The following SASH1 variants were observed in gnomAD, a reference collection of about 807,000 sequenced individuals.
The protein encoded by SASH1 is SAM and SH3 domain containing 1.
SASH1 carries 44 observed loss-of-function variants against 125.2 expected under a neutral mutation model. The observed-to-expected ratio is 0.35, with a 90% confidence interval of 0.28 to 0.45. SASH1 has a LOEUF of 0.45. Among genes scored for constraint, SASH1 ranks in the 20% least tolerant of loss-of-function variants. The pLI, the probability that SASH1 is intolerant of heterozygous loss-of-function variation, is 1.00. For synonymous variants in SASH1, 639 were observed against 649.1 expected, an observed-to-expected ratio of 0.98 and a Z score of 0.24; for missense variants, 1,426 against 1,614.5, an observed-to-expected ratio of 0.88 and a Z score of 2.00.
intron 1 of SASH1, among the ~76,000 whole-genome samples, chr6:148,347,997 T>A (rs1047687233): frequency 6.6e-6 from 1 of 152,072 alleles, no homozygotes; most frequent in Non-Finnish European, 1.5e-5. Context: ...ATAATTTTAT[T>A]TATTTATTTG....
chr6:148,199,660 G>A, the SASH1 span, among the ~76,000 whole-genome samples: 3 of 151,928 alleles, frequency 2.0e-5, no homozygotes, highest in Admixed American at 1.3e-4. Context: ...GCATACCACT[G>A]CACTCCAGCC....
chr6:148,220,692 A>T, the SASH1 span, among the ~76,000 whole-genome samples: 24 of 152,326 alleles, frequency 1.6e-4, no homozygotes, highest in East Asian at 4.6e-3. Context: ...AGGCAGGCAG[A>T]TTGCTTGAGG....
intron 1 of SASH1, among the ~76,000 whole-genome samples, chr6:148,306,363 C>T (rs1245930878): frequency 6.6e-6 from 1 of 152,196 alleles, no homozygotes; most frequent in African/African-American, 2.4e-5. Context: ...TTAACCAGCA[C>T]AAGTCTTCCA....
intron 4 of SASH1, among the ~76,000 whole-genome samples, chr6:148,444,148 C>A (rs904093360): frequency 3.9e-5 from 6 of 152,224 alleles, no homozygotes; most frequent in African/African-American, 1.4e-4. Flanking sequence ...CCTCGCAGAT[C>A]CAGTCTCCCA....
chr6:148,495,777 G>A lies in SASH1; in HGVS notation c.729+8062G>A, dbSNP rs1243049083. Among the ~76,000 whole-genome samples, 2 of 152,146 alleles carry A rather than the reference G, an allele frequency of 1.3e-5. No homozygotes were observed. The highest frequency in any genetic ancestry group is 1.9e-4 in the East Asian group (1 of 5,196). ...GTACTTCAGTCGGCGTTGTAGGTCC[G>A]GTGAAAGTATCCCCAAGAAAATGAT... On this transcript the variant is annotated intron_variant, in intron 8 of 19. Transcript: ENST00000367467. This position sits in a 1 kb window ranked among gnomAD's most constrained non-coding sequence, Gnocchi z 4.0.
chr6:148,327,063 C>T (rs1654141218), intron 1 of SASH1, among the ~76,000 whole-genome samples: 1 of 152,134 alleles, frequency 6.6e-6, no homozygotes, highest in Non-Finnish European at 1.5e-5. Context: ...ATGAACAATT[C>T]TTGCTCCTCA....
intron 4 of SASH1, among the ~76,000 whole-genome samples, chr6:148,443,303 G>A (rs114223782): frequency 2.7e-4 from 41 of 150,846 alleles, no homozygotes; most frequent in East Asian, 1.7e-3. Context: ...GTTTTTTTGC[G>A]CCACAGTGCA....
intron 2 of SASH1, among the ~76,000 whole-genome samples, chr6:148,438,912 A>G (rs4895755): frequency 0.44 from 66,465 of 151,798 alleles, 14,789 homozygotes; most frequent in South Asian, 0.68. Flanking sequence ...CCGATACTCT[A>G]TATTCGTGCT....
intron 7 of SASH1, chr6:148,479,045 CTTT>C (rs35055729): frequency 1.4e-4 from 15 of 105,140 alleles, no homozygotes; most frequent in Non-Finnish European, 1.6e-4. Context: ...GACTGCACTA[CTTT>C]TTTTTTTTTT....
At position 148,551,447 on chromosome 6, in the gene SASH1, G is replaced by A. The variant is rs1186229446; in HGVS notation, c.*2889G>A. The A allele has an allele frequency of 6.6e-6, 1 of 152,514 alleles. No individual in the cohort carries two copies. Among genetic ancestry groups the A allele is most frequent in the African/African-American group, 2.4e-5 (1 of 41,438 alleles). The allele number at this position is 152,514 out of a possible 1,614,324, so 9.4% of individuals were successfully genotyped here. On this transcript the variant is annotated 3_prime_UTR_variant, in exon 20 of 20. Coordinates refer to ENST00000367467, the MANE Select transcript of SASH1 (RefSeq NM_015278.5). ...CTGGAAGGAAATGCAGTCAGCTCCA[G>A]CTAGTACTATTTATGTACCCAGATA...
chr6:148,295,743 C>A (rs74343553), intron 1 of SASH1, among the ~76,000 whole-genome samples: 2,379 of 152,266 alleles, frequency 0.016, 60 homozygotes, highest in African/African-American at 0.054. Flanking sequence ...GGCTGAAGAA[C>A]GGTGCAGAAT....
Position 148,548,338 on chromosome 6 carries a change from C to T in SASH1, c.3524C>T (p.Ser1175Phe), listed in dbSNP as rs943792460. The part of the protein sequence containing the change: ...GLTEICRKPV[S>F]PGCISSVSDW... ...ACGGAAATCTGCCGAAAGCCCGTCTCTCCTGGGTGCATTTCGTCTGTGTCA... is the reference window on the plus strand; with the variant it reads ...ACGGAAATCTGCCGAAAGCCCGTCTTTCCTGGGTGCATTTCGTCTGTGTCA... Residue 1175 changes from serine to phenylalanine, a missense_variant, in exon 20 of 20, where the codon TCT becomes TTT. Around this residue, in one of 3 missense-constraint regions of SASH1, gnomAD observed 634 missense variants for 694.4 expected, o/e 0.91. Coordinates refer to ENST00000367467, the MANE Select transcript of SASH1 (RefSeq NM_015278.5). The T allele has an allele frequency of 6.2e-7, 1 of 1,614,094 alleles. No homozygotes were observed. The highest frequency in any genetic ancestry group is 1.3e-5 in the African/African-American group (1 of 74,944).
At chr6:148,305,610 C>T (rs528992756) in intron 1 of SASH1, among the ~76,000 whole-genome samples, 23 of 124,068 alleles carry the variant, frequency 1.9e-4, no homozygotes, top group African/African-American at 6.5e-4. Flanking sequence ...GGCGACAGAG[C>T]GAGACTCTGA....
At chr6:148,439,302 T>C (rs1274899162) in intron 2 of SASH1, among the ~76,000 whole-genome samples, 3 of 152,210 alleles carry the variant, frequency 2.0e-5, no homozygotes. Context: ...TATATTTCAT[T>C]TATCAACTCG....
At chr6:148,345,897 G>A (rs1252431395) in intron 1 of SASH1, among the ~76,000 whole-genome samples, 1 of 152,136 alleles carries the variant, frequency 6.6e-6, no homozygotes, top group Non-Finnish European at 1.5e-5. Context: ...CAGTAGAAAT[G>A]TAGTTCAGTA....
intron 1 of SASH1, among the ~76,000 whole-genome samples, chr6:148,320,988 G>T (rs1319846426): frequency 6.6e-6 from 1 of 152,184 alleles, no homozygotes; most frequent in Non-Finnish European, 1.5e-5. Flanking sequence ...ATGCCTCAAG[G>T]CTGCACTAAC....
intron 11 of SASH1, among the ~76,000 whole-genome samples, chr6:148,525,671 C>T (rs1583301780): frequency 6.6e-6 from 1 of 152,196 alleles, no homozygotes; most frequent in Admixed American, 6.5e-5. Flanking sequence ...AGTCATTTTG[C>T]ACACGGCCTT....
At chr6:148,227,506 C>T in the SASH1 span, among the ~76,000 whole-genome samples, 2 of 152,120 alleles carry the variant, frequency 1.3e-5, no homozygotes, top group Non-Finnish European at 2.9e-5. Context: ...TACAGGCATG[C>T]ACCACCACAC....
chr6:148,508,548 T>C (rs774947831), intron 8 of SASH1: 18 of 1,040,036 alleles, frequency 1.7e-5, no homozygotes, highest in Non-Finnish European at 2.0e-5. Context: ...TTTTTCCTTG[T>C]GGTGAATAGG....
Sources: gnomAD v4.1 joint callset for allele counts (sites outside exome capture counted in the v4.1 genomes callset) on GRCh38, gnomAD v4.1.1 for gene constraint, gnomAD v4.1.1 regional missense constraint, Gnocchi (gnomAD v3.1) non-coding constraint, MANE v1.5 for transcripts, NCBI Gene and HGNC (gene_info 2026-07-23, HGNC 2026-07-21) for gene names.